The following SRSF1 variants were observed in gnomAD, a reference collection of about 807,000 sequenced individuals.
SRSF1 encodes the protein serine/arginine-rich splicing factor 1.
SRSF1 carries 1 observed loss-of-function variant against 25.9 expected under a neutral mutation model. The observed-to-expected ratio is 0.04, with a 90% CI of 0.01 to 0.18. The LOEUF (loss-of-function observed/expected upper bound fraction) is 0.18, where lower values mean the gene tolerates loss of function less well. Among genes scored for constraint, SRSF1 ranks in the 10% least tolerant of loss-of-function variants. The probability of loss-of-function intolerance (pLI) is 1.00; values close to 1 mark genes in which losing one functional copy is unlikely to be tolerated. For missense variants in SRSF1, 65 were observed against 350.5 expected, an observed-to-expected ratio of 0.19 and a Z score of 6.50; for synonymous variants, 132 against 126.2, an observed-to-expected ratio of 1.05 and a Z score of -0.31.
At chr17:57,996,221 A>AT (rs1266979569), downstream of SRSF1, among the ~76,000 whole-genome samples, 3 of 152,176 alleles carry the variant, frequency 2.0e-5, no homozygotes, top group Non-Finnish European at 2.9e-5. Flanking sequence ...GCGGTGGCTT[A>AT]TGCCTGTAAT....
chr17:57,996,241 T>C (rs551394961), downstream of SRSF1, among the ~76,000 whole-genome samples: 1 of 151,958 alleles, frequency 6.6e-6, no homozygotes, highest in Non-Finnish European at 1.5e-5. Context: ...TCCCAGCACT[T>C]TGGGAGGCCG....
rs1301239128 is a variant in SRSF1, at chr17:58,002,635, G to A, written c.*2771C>T. On this transcript the variant is annotated 3_prime_UTR_variant, in exon 4 of 4. Coordinates refer to ENST00000258962, the MANE Select transcript of SRSF1 (RefSeq NM_006924.5). ...TATAAGGCAAAATTCTAAATGCCCA[G>A]CTTTTTATTAACAATGATTCATCCA... Among the ~76,000 whole-genome samples, 1 of 152,168 alleles carries A rather than the reference G, an allele frequency of 6.6e-6. No homozygotes were observed. Among genetic ancestry groups the A allele is most frequent in the Non-Finnish European group, 1.5e-5 (1 of 68,038 alleles).
chr17:57,989,459 C>G, the SRSF1 span: 1 of 397,542 alleles, frequency 2.5e-6, no homozygotes, highest in Non-Finnish European at 4.4e-6. Flanking sequence ...ATCTTATCCC[C>G]TCCATTTATC....
downstream of SRSF1, among the ~76,000 whole-genome samples, chr17:57,996,676 T>TCAC (rs2075366775): frequency 6.6e-6 from 1 of 152,042 alleles, no homozygotes; most frequent in Non-Finnish European, 1.5e-5. Flanking sequence ...TCATTAGGTG[T>TCAC]GATCATGAAG....
At chr17:57,997,370 A>G (rs2075369321), downstream of SRSF1, among the ~76,000 whole-genome samples, 1 of 152,212 alleles carries the variant, frequency 6.6e-6, no homozygotes, top group Non-Finnish European at 1.5e-5. Flanking sequence ...AGACTTCTAC[A>G]GTGCTTTGCT....
chr17:57,990,466 AG>A, the SRSF1 span: 1 of 152,244 alleles, frequency 6.6e-6, no homozygotes, highest in Admixed American at 6.5e-5. Flanking sequence ...GAAAATACTC[AG>A]AAGTTTGAAA....
downstream of SRSF1, among the ~76,000 whole-genome samples, chr17:57,997,524 G>T (rs1202060730): frequency 6.6e-6 from 1 of 152,190 alleles, no homozygotes; most frequent in Non-Finnish European, 1.5e-5. Flanking sequence ...ATCAACCAGG[G>T]TAGGGGAAGA....
At chr17:57,994,923 AATC>A in the SRSF1 span, 3 of 152,246 alleles carry the variant, frequency 2.0e-5, no homozygotes, top group African/African-American at 7.2e-5. Context: ...TACTTCTAAG[AATC>A]TTCTCTACTG....
In SRSF1 at chr17:58,005,226, C is replaced by A; in HGVS notation, c.*180G>T. On this transcript the variant is annotated 3_prime_UTR_variant, in exon 4 of 4. Transcript: ENST00000258962. This position sits in a 1 kb window ranked among gnomAD's most constrained non-coding sequence, Gnocchi z 5.2. ...CCTGTCTATGACATCACTTAAAATA[C>A]AATTTATCAAAGACACGAAGGGAAT... The A allele has an allele frequency of 1.5e-6, 1 of 649,638 alleles. No individual in the cohort carries two copies. The highest frequency in any genetic ancestry group is 2.0e-5 in the South Asian group (1 of 49,580). 40.2% of individuals were successfully genotyped at this position (649,638 alleles called of 1,614,324 possible). A position where few individuals can be genotyped will look rare whatever the true frequency, so the allele number is the denominator to read the frequency against.
At chr17:57,991,725 C>T in the SRSF1 span, 1 of 151,136 alleles carries the variant, frequency 6.6e-6, no homozygotes, top group Admixed American at 6.6e-5. Context: ...GATAAGCACA[C>T]TAAGGGCTTT....
At chr17:57,992,131 C>T in the SRSF1 span, 1 of 152,212 alleles carries the variant, frequency 6.6e-6, no homozygotes, top group African/African-American at 2.4e-5. Flanking sequence ...TCAGCTTCAT[C>T]CATTAAAGCA....
At chr17:57,995,520 T>C in the SRSF1 span, among the ~76,000 whole-genome samples, 1 of 152,362 alleles carries the variant, frequency 6.6e-6, no homozygotes, top group African/African-American at 2.4e-5. Flanking sequence ...TGCCAGGCTC[T>C]GGAACATGGC....
chr17:57,990,809 G>A, the SRSF1 span: 2 of 152,190 alleles, frequency 1.3e-5, no homozygotes, highest in Non-Finnish European at 2.9e-5. Flanking sequence ...ACAAAAGTCA[G>A]ATCCCCAACT....
the SRSF1 span, chr17:57,994,283 T>C: frequency 6.6e-6 from 1 of 152,228 alleles, no homozygotes; most frequent in Non-Finnish European, 1.5e-5. Context: ...TGAAGCCCCA[T>C]GTATGTTCTA....
In SRSF1 at chr17:58,002,190, C is replaced by G. The variant is rs2075396045; in HGVS notation, c.*3216G>C. Among the ~76,000 whole-genome samples, 1 of 152,116 alleles carries G rather than the reference C, an allele frequency of 6.6e-6. No homozygotes were observed. The highest frequency in any genetic ancestry group is 6.5e-5 in the Admixed American group (1 of 15,270). ...TTCAAATTTTTAAACAGTAAATCTGCCTTTTGGCCATTACATTGAATTCTT... is the reference window on the plus strand; with the variant it reads ...TTCAAATTTTTAAACAGTAAATCTGGCTTTTGGCCATTACATTGAATTCTT... On this transcript the variant is annotated 3_prime_UTR_variant, in exon 4 of 4. Transcript: ENST00000258962.
chr17:58,006,112 G>A, intron 2 of SRSF1, 139 bp from the exon 3 acceptor site: 1 of 993,204 alleles, frequency 1.0e-6, no homozygotes, highest in Non-Finnish European at 1.4e-6. Flanking sequence ...GAGCTGGTAA[G>A]ATTCTGGAAT....
At chr17:57,989,643 A>C in the SRSF1 span, 1 of 398,566 alleles carries the variant, frequency 2.5e-6, no homozygotes. Flanking sequence ...TCCTCCCCTC[A>C]GTCACCAGAA....
At chr17:58,006,562 C>T (rs1430197042) in intron 1 of SRSF1, 35 bp from the exon 2 acceptor site, 1 of 1,583,146 alleles carries the variant, frequency 6.3e-7, no homozygotes, top group South Asian at 1.1e-5. Flanking sequence ...GGATGAGAAA[C>T]ACCAGGAGGA....
At chr17:57,989,140 G>A in the SRSF1 span, 2 of 398,520 alleles carry the variant, frequency 5.0e-6, no homozygotes, top group East Asian at 7.1e-5. Flanking sequence ...ATGTCACTGA[G>A]GTGACCCCAG....
Sources: allele counts gnomAD v4.1 joint callset (sites outside exome capture counted in the v4.1 genomes callset), GRCh38; gene constraint gnomAD v4.1.1; non-coding constraint Gnocchi (gnomAD v3.1); transcripts MANE v1.5; gene names NCBI Gene and HGNC (gene_info 2026-07-23, HGNC 2026-07-21).